Variants in PPP2R2B observed in about 807,000 individuals in gnomAD.
The protein encoded by PPP2R2B is serine/threonine-protein phosphatase 2A 55 kDa regulatory subunit B beta isoform.
PPP2R2B carries 5 observed loss-of-function variants against 46.0 expected under a neutral mutation model. That is an observed-to-expected ratio of 0.11 (90% CI 0.06 to 0.23). The LOEUF (loss-of-function observed/expected upper bound fraction) is 0.23. PPP2R2B is among the 10% of genes least tolerant of loss of function. The probability of loss-of-function intolerance (pLI) is 1.00; values close to 1 mark genes in which losing one functional copy is unlikely to be tolerated. For missense variants in PPP2R2B, 367 were observed against 575.0 expected (o/e 0.64, Z 3.70); for synonymous variants, 215 against 206.7 (o/e 1.04, Z -0.34).
chr5:146,912,926 T>C (rs1763245318), intron 1 of PPP2R2B, among the ~76,000 whole-genome samples: 2 of 152,320 alleles, frequency 1.3e-5, no homozygotes, highest in Middle Eastern at 6.8e-3. Context: ...CAAGCTCTTC[T>C]GGGGATTATA....
In PPP2R2B at chr5:146,878,750, C is replaced by A. The variant is rs1333487451; in HGVS notation, c.-284G>T. 7.5e-7 allele frequency: 1 copy of A among 1,336,118 alleles called. No homozygotes were observed. The highest frequency in any genetic ancestry group is 9.9e-7 in the Non-Finnish European group (1 of 1,014,438). The allele number at this position is 1,336,118 out of a possible 1,614,324, so 82.8% of individuals were successfully genotyped here. ...GCAGCTGCTGCTGCTGCTGCTGCTG[C>A]TGCTGCTGCAGGAGGCTGGAGGCGG... On this transcript the variant is annotated 5_prime_UTR_variant, in exon 1 of 10. Coordinates refer to ENST00000394411, the MANE Select transcript of PPP2R2B (RefSeq NM_181675.4). The surrounding 1 kb of genome is among the most constrained non-coding windows in gnomAD (Gnocchi z 4.5).
intron 2 of PPP2R2B, among the ~76,000 whole-genome samples, chr5:146,814,855 G>A (rs929716196): frequency 6.6e-6 from 1 of 152,190 alleles, no homozygotes; most frequent in African/African-American, 2.4e-5. Flanking sequence ...GATCTCTCAA[G>A]TTGTCTGCTT....
chr5:146,784,892 GT>G (rs1225395691), intron 2 of PPP2R2B, among the ~76,000 whole-genome samples: 1 of 152,114 alleles, frequency 6.6e-6, no homozygotes. Flanking sequence ...ACATACGTAA[GT>G]TAGATACCAA....
At chr5:147,032,772 G>T (rs567809014) in intron 1 of PPP2R2B, among the ~76,000 whole-genome samples, 21 of 152,228 alleles carry the variant, frequency 1.4e-4, no homozygotes, top group African/African-American at 5.1e-4. Context: ...TGGGCATTTG[G>T]ATTGGTTCCA....
At chr5:146,975,561 A>C (rs1011843619) in intron 1 of PPP2R2B, among the ~76,000 whole-genome samples, 3 of 152,166 alleles carry the variant, frequency 2.0e-5, no homozygotes, top group African/African-American at 7.2e-5. Context: ...CTCAATTTTT[A>C]ATATTTTGAG....
At chr5:147,029,190 A>G (rs770797685) in intron 1 of PPP2R2B, among the ~76,000 whole-genome samples, 2 of 152,148 alleles carry the variant, frequency 1.3e-5, no homozygotes, top group African/African-American at 2.4e-5. Flanking sequence ...TATGATTATT[A>G]TCACCTTTTA....
chr5:147,064,197 G>A (rs1378301400), intron 2 of PPP2R2B, among the ~76,000 whole-genome samples: 1 of 152,186 alleles, frequency 6.6e-6, no homozygotes, highest in East Asian at 1.9e-4. Context: ...CATCTGGAGA[G>A]ATTTACACAA....
chr5:146,621,715 T>G (rs969121057), intron 7 of PPP2R2B, among the ~76,000 whole-genome samples: 1 of 152,210 alleles, frequency 6.6e-6, no homozygotes. Context: ...CATTAACACG[T>G]GGGCTATCCT....
intron 6 of PPP2R2B, among the ~76,000 whole-genome samples, chr5:146,643,043 C>T (rs993184351): frequency 2.6e-5 from 4 of 152,114 alleles, no homozygotes; most frequent in Admixed American, 1.3e-4. Context: ...GGTAACACAG[C>T]CAGACCCTGT....
intron 1 of PPP2R2B, among the ~76,000 whole-genome samples, chr5:146,931,807 A>G (rs113694541): frequency 6.6e-6 from 1 of 152,212 alleles, no homozygotes; most frequent in African/African-American, 2.4e-5. Context: ...AGTTGACTAT[A>G]AATGGAAAAC....
intron 2 of PPP2R2B, among the ~76,000 whole-genome samples, chr5:146,858,402 G>T (rs1760798426): frequency 1.3e-5 from 2 of 152,176 alleles, no homozygotes; most frequent in African/African-American, 2.4e-5. Flanking sequence ...AACTAGCCAT[G>T]TACAAGTATT....
At chr5:146,810,443 G>T (rs753069943) in intron 2 of PPP2R2B, among the ~76,000 whole-genome samples, 1 of 152,090 alleles carries the variant, frequency 6.6e-6, no homozygotes, top group African/African-American at 2.4e-5. Flanking sequence ...GTTATATTCC[G>T]CTGGGTCCAT....
intron 1 of PPP2R2B, among the ~76,000 whole-genome samples, chr5:147,024,782 C>T (rs1171196663): frequency 6.6e-6 from 1 of 151,990 alleles, no homozygotes; most frequent in Admixed American, 6.5e-5. Flanking sequence ...GATGACAAAA[C>T]AGTGCATCAA....
intron 2 of PPP2R2B, among the ~76,000 whole-genome samples, chr5:146,733,751 C>T: frequency 6.6e-6 from 1 of 152,072 alleles, no homozygotes; most frequent in East Asian, 1.9e-4. Flanking sequence ...TATATGGTAG[C>T]ATAGGCTATA....
intron 7 of PPP2R2B, among the ~76,000 whole-genome samples, chr5:146,628,133 C>G (rs1486274947): frequency 6.6e-6 from 1 of 152,058 alleles, no homozygotes; most frequent in African/African-American, 2.4e-5. Flanking sequence ...TTAGTAGAGA[C>G]AGGGTTTCAC....
At chr5:146,829,617 T>C (rs1758797615) in intron 2 of PPP2R2B, among the ~76,000 whole-genome samples, 1 of 152,128 alleles carries the variant, frequency 6.6e-6, no homozygotes, top group African/African-American at 2.4e-5. Context: ...AGTGGCCTAT[T>C]TCATAGAGAC....
At chr5:147,032,676 T>G (rs1469676835) in intron 1 of PPP2R2B, among the ~76,000 whole-genome samples, 13 of 152,334 alleles carry the variant, frequency 8.5e-5, no homozygotes, top group Admixed American at 7.8e-4. Context: ...TCACTGCAAA[T>G]GCTGTTAATT....
intron 1 of PPP2R2B, among the ~76,000 whole-genome samples, chr5:146,930,857 A>T (rs1763945721): frequency 6.6e-6 from 1 of 152,124 alleles, no homozygotes; most frequent in African/African-American, 2.4e-5. Flanking sequence ...TCTTTTTGGA[A>T]TGCAGAGACT....
At chr5:146,979,790 C>A (rs769978619) in intron 1 of PPP2R2B, among the ~76,000 whole-genome samples, 4 of 152,052 alleles carry the variant, frequency 2.6e-5, no homozygotes, top group Non-Finnish European at 5.9e-5. Context: ...TAAAATAGAA[C>A]AATTATAACA....
Sources: allele counts gnomAD v4.1 joint callset (sites outside exome capture counted in the v4.1 genomes callset), GRCh38; gene constraint gnomAD v4.1.1; non-coding constraint Gnocchi (gnomAD v3.1); transcripts MANE v1.5; gene names NCBI Gene and HGNC (gene_info 2026-07-23, HGNC 2026-07-21).